Variants in LGR5 observed in about 807,000 individuals in gnomAD.
LGR5 encodes leucine-rich repeat-containing G protein-coupled receptor 5.
Under a neutral mutation model 76.7 loss-of-function variants are expected in LGR5, and 54 were observed. The observed-to-expected ratio is 0.70, with a 90% CI of 0.57 to 0.88. The LOEUF (loss-of-function observed/expected upper bound fraction) is 0.88. Ranked by LOEUF, LGR5 falls within the 40% of genes least tolerant of loss-of-function variation. LGR5 has a pLI of 0.00. For synonymous variants in LGR5, 406 were observed against 421.9 expected (o/e 0.96, Z 0.46); for missense variants, 1,078 against 1,073.3 (o/e 1.00, Z -0.06).
chr12:71,459,752 G>A (rs536439108), intron 1 of LGR5, among the ~76,000 whole-genome samples: 67 of 151,928 alleles, frequency 4.4e-4, no homozygotes, highest in African/African-American at 1.6e-3. Flanking sequence ...TTGGAATCCT[G>A]GTACTGCCCC....
At chr12:71,501,293 C>T (rs945899647) in intron 1 of LGR5, among the ~76,000 whole-genome samples, 20 of 152,092 alleles carry the variant, frequency 1.3e-4, no homozygotes, top group African/African-American at 4.8e-4. Flanking sequence ...AGGTGGTACA[C>T]AAAAATAAAG....
At chr12:71,583,253 G>A (rs1027775751) in intron 17 of LGR5, among the ~76,000 whole-genome samples, 1 of 152,144 alleles carries the variant, frequency 6.6e-6, no homozygotes, top group Non-Finnish European at 1.5e-5. Flanking sequence ...ATATTACGGA[G>A]TATTTCCCTA....
At chr12:71,525,369 G>C (rs940969137) in intron 3 of LGR5, among the ~76,000 whole-genome samples, 1 of 151,048 alleles carries the variant, frequency 6.6e-6, no homozygotes, top group Non-Finnish European at 1.5e-5. Context: ...ATTGGGTTTG[G>C]TTTCCCTTCC....
intron 3 of LGR5, among the ~76,000 whole-genome samples, chr12:71,526,161 A>T (rs1254753377): frequency 6.6e-6 from 1 of 152,134 alleles, no homozygotes; most frequent in Non-Finnish European, 1.5e-5. Flanking sequence ...TAGATTTTTC[A>T]ACTTTTTCTT....
chr12:71,533,442 G>A (rs926039049), intron 3 of LGR5, among the ~76,000 whole-genome samples: 3 of 152,164 alleles, frequency 2.0e-5, no homozygotes, highest in Non-Finnish European at 1.5e-5. Context: ...CAGTATTGGC[G>A]TCACCTGAGA....
At position 71,584,420 on chromosome 12, in the gene LGR5, A is replaced by T. The variant is rs1414581665; in HGVS notation, c.2410A>T (p.Ile804Phe). Residue 804 changes from isoleucine (I) to phenylalanine (F), a missense_variant, in exon 18 of 18, where the codon ATC becomes TTC. Coordinates refer to ENST00000266674, the MANE Select transcript of LGR5 (RefSeq NM_003667.4). ...TFISPEVIKF[I>F]LLVVVPLPAC... Reference sequence around the variant, plus strand: ...TATCAGTCCTGAAGTAATTAAGTTTATCCTTCTGGTGGTAGTCCCACTTCC... The same window carrying T: ...TATCAGTCCTGAAGTAATTAAGTTTTTCCTTCTGGTGGTAGTCCCACTTCC... The T allele has an allele frequency of 5.0e-6, 8 of 1,613,910 alleles. No homozygotes were observed. The highest frequency in any genetic ancestry group is 6.8e-6 in the Non-Finnish European group (8 of 1,179,866).
chr12:71,542,733 A>G (rs916967482), intron 4 of LGR5, among the ~76,000 whole-genome samples: 9 of 152,176 alleles, frequency 5.9e-5, no homozygotes, highest in African/African-American at 2.2e-4. Flanking sequence ...ACTGGGCAAG[A>G]CACACTGGGA....
intron 1 of LGR5, among the ~76,000 whole-genome samples, chr12:71,498,756 G>A (rs769623366): frequency 1.3e-5 from 2 of 152,140 alleles, no homozygotes; most frequent in Non-Finnish European, 2.9e-5. Flanking sequence ...AAAGGGGAAG[G>A]GATCCATAAG....
rs1013393947 is a variant in LGR5 at position 71,479,827 on chromosome 12, G to A, written c.213-24787G>A. 1.1e-4 allele frequency among the ~76,000 whole-genome samples: 16 copies of A among 152,258 alleles called. No individual in the cohort carries two copies. In the South Asian group the frequency reaches 3.3e-3, roughly 32 times the overall value. On this transcript the variant is annotated intron_variant, in intron 1 of 17. Coordinates refer to ENST00000266674, the MANE Select transcript of LGR5 (RefSeq NM_003667.4). The stretch of plus-strand genomic sequence containing the variant: ...GGGTATAACAACCAAGGTAATGGAG[G>A]GATGGAGGGACCAGTGGCTCAGGAT...
intron 1 of LGR5, among the ~76,000 whole-genome samples, chr12:71,476,726 G>A (rs991707615): frequency 2.0e-5 from 3 of 152,186 alleles, no homozygotes; most frequent in Admixed American, 2.0e-4. Flanking sequence ...CCCAGCCAAG[G>A]CTGGAACTTT....
At chr12:71,479,741 T>A (rs1873501622) in intron 1 of LGR5, among the ~76,000 whole-genome samples, 1 of 151,968 alleles carries the variant, frequency 6.6e-6, no homozygotes, top group Admixed American at 6.5e-5. Context: ...CAGAAGTTAA[T>A]GTACAGAAAA....
At chr12:71,500,109 T>C (rs899511684) in intron 1 of LGR5, among the ~76,000 whole-genome samples, 2 of 151,948 alleles carry the variant, frequency 1.3e-5, no homozygotes, top group African/African-American at 2.4e-5. Flanking sequence ...TCCACTGTGT[T>C]CCTAGAATAA....
intron 1 of LGR5, among the ~76,000 whole-genome samples, chr12:71,493,170 G>A (rs1176076024): frequency 6.6e-6 from 1 of 151,256 alleles, no homozygotes; most frequent in Non-Finnish European, 1.5e-5. Flanking sequence ...TCTTTTGTGG[G>A]AAGACAATAG....
intron 4 of LGR5, among the ~76,000 whole-genome samples, chr12:71,539,551 C>G (rs966611195): frequency 1.3e-5 from 2 of 152,154 alleles, no homozygotes; most frequent in African/African-American, 2.4e-5. Flanking sequence ...GATCTCAGCT[C>G]GCTGCAACCT....
rs1879046287 is a variant in LGR5, at chr12:71,580,491, GT to G, written c.1552+71del. On this transcript the variant is annotated intron_variant, in intron 16 of 17. Transcript: ENST00000266674. Reference sequence around the variant, plus strand: ...AGTGGAACACATGGAAATGAATTATGTTTGATGAAAAGTCATCGAACAGGCC... The same window carrying G: ...AGTGGAACACATGGAAATGAATTATGTTGATGAAAAGTCATCGAACAGGCC... The G allele has an allele frequency of 4.0e-6, 6 of 1,511,814 alleles. No homozygotes were observed. In the South Asian group the frequency reaches 7.3e-5, roughly 18 times the overall value. The allele number at this position is 1,511,814 out of a possible 1,614,324, so 93.6% of individuals were successfully genotyped here. A position where few individuals can be genotyped will look rare whatever the true frequency, so the allele number is the denominator to read the frequency against.
intron 4 of LGR5, among the ~76,000 whole-genome samples, chr12:71,548,328 T>C (rs1565743618): frequency 6.6e-6 from 1 of 151,710 alleles, no homozygotes. Context: ...TGTGTGTGCG[T>C]AGATACATAT....
At chr12:71,583,047 T>C (rs113464958) in intron 17 of LGR5, among the ~76,000 whole-genome samples, 8,405 of 113,698 alleles carry the variant, frequency 0.074, 331 homozygotes, top group South Asian at 0.1. Context: ...GGGGAAGAGA[T>C]GGGAAGGGAG....
chr12:71,506,148 G>T (rs1053392494), intron 2 of LGR5, among the ~76,000 whole-genome samples: 3 of 152,006 alleles, frequency 2.0e-5, no homozygotes, highest in Non-Finnish European at 4.4e-5. Flanking sequence ...TCAAACATCA[G>T]AATTTTAAAA....
rs79706150 is a variant in LGR5, at chr12:71,585,132, T to C, written c.*398T>C. On this transcript the variant is annotated 3_prime_UTR_variant, in exon 18 of 18. Transcript: ENST00000266674. ...TATTTAAACCCACAAACTCAAGAGG[T>C]TGTTGGGGGAATTAGGAAAATAAGG... is the stretch of plus-strand genomic sequence containing the variant. The C allele has an allele frequency of 4.2e-3, 693 of 166,604 alleles. 6 individuals are homozygous for C. Among genetic ancestry groups the C allele is most frequent in the African/African-American group, 0.016 (666 of 41,782 alleles). The allele number at this position is 166,604 out of a possible 1,614,324, so 10.3% of individuals were successfully genotyped here.
Sources: gnomAD v4.1 joint callset for allele counts (sites outside exome capture counted in the v4.1 genomes callset) on GRCh38, gnomAD v4.1.1 for gene constraint, MANE v1.5 for transcripts, NCBI Gene and HGNC (gene_info 2026-07-23, HGNC 2026-07-21) for gene names.